Variants in EXOSC5 observed in about 807,000 individuals in gnomAD.
EXOSC5 encodes the protein exosome complex component RRP46.
Under a neutral mutation model 23.7 loss-of-function variants are expected in EXOSC5, and 15 were observed. The ratio of observed to expected loss-of-function variants is 0.63; its 90% CI spans 0.42 to 0.97. EXOSC5 has a LOEUF of 0.97. Among genes scored for constraint, EXOSC5 ranks in the 50% least tolerant of loss-of-function variants. The pLI, the probability that EXOSC5 is intolerant of heterozygous loss-of-function variation, is 0.00. For synonymous variants in EXOSC5, 143 were observed against 140.9 expected (o/e 1.02, Z -0.11); for missense variants, 305 against 316.3 (o/e 0.96, Z 0.27).
At chr19:41,392,167 G>C (rs1278121685) in intron 2 of EXOSC5, 3 of 662,508 alleles carry the variant, frequency 4.5e-6, no homozygotes, top group African/African-American at 1.9e-5. Context: ...CATCCACCAA[G>C]GGAACCATCC....
chr19:41,386,851 G>T lies in EXOSC5; in HGVS notation c.616-126C>A, dbSNP rs180811354. On this transcript the variant is annotated intron_variant, in intron 5 of 5. Coordinates refer to ENST00000221233, the MANE Select transcript of EXOSC5 (RefSeq NM_020158.4). ...CCTCCCATCACTCCCCTGCCCCCAAGTGAGGCAAGTGGTAAGGGATTATTT... is the reference window on the plus strand; with the variant it reads ...CCTCCCATCACTCCCCTGCCCCCAATTGAGGCAAGTGGTAAGGGATTATTT... 8 of 691,854 alleles carry T rather than the reference G, an allele frequency of 1.2e-5. No individual in the cohort carries two copies. In the Admixed American group the frequency reaches 1.3e-4, roughly 11 times the overall value. The allele number at this position is 691,854 out of a possible 1,614,324, so 42.9% of individuals were successfully genotyped here.
chr19:41,390,596 T>G (rs74865488), intron 3 of EXOSC5, among the ~76,000 whole-genome samples: 3 of 152,148 alleles, frequency 2.0e-5, no homozygotes, highest in African/African-American at 7.2e-5. Context: ...GGCCCGAAAC[T>G]TGGGTAGCAG....
At chr19:41,389,368 C>T (rs933283931) in intron 4 of EXOSC5, among the ~76,000 whole-genome samples, 25 of 150,078 alleles carry the variant, frequency 1.7e-4, no homozygotes, top group African/African-American at 5.2e-4. Context: ...TGGGTTCAAG[C>T]GATTCTCCTG....
rs79893035 is a variant in EXOSC5, at chr19:41,390,438, A to C, written c.385-533T>G. Among the ~76,000 whole-genome samples the C allele has an allele frequency of 6.3e-3, 962 of 152,304 alleles. 11 individuals are homozygous for C. Among genetic ancestry groups the C allele is most frequent in the African/African-American group, 0.021 (889 of 41,568 alleles). Reference sequence around the variant, plus strand: ...CCTTGAACAAGTGACTTACTCCTTGAGTCTCAATCTCCTCATCTGTTAGAT... The same window carrying C: ...CCTTGAACAAGTGACTTACTCCTTGCGTCTCAATCTCCTCATCTGTTAGAT... On this transcript the variant is annotated intron_variant, in intron 3 of 5. Coordinates refer to ENST00000221233, the MANE Select transcript of EXOSC5 (RefSeq NM_020158.4).
chr19:41,386,924 G>A (rs2123218193), intron 5 of EXOSC5, among the ~76,000 whole-genome samples, 199 bp from the exon 6 acceptor site: 1 of 152,282 alleles, frequency 6.6e-6, no homozygotes, highest in Middle Eastern at 3.4e-3. Context: ...TAAAAAGAGG[G>A]AGAAGGACTT....
chr19:41,396,406 C>T (rs11083618), intron 1 of EXOSC5, among the ~76,000 whole-genome samples: 83,812 of 151,902 alleles, frequency 0.55, 23,499 homozygotes, highest in Middle Eastern at 0.6. Flanking sequence ...GACAGGGTTT[C>T]GCCATGTTGG....
intron 1 of EXOSC5, among the ~76,000 whole-genome samples, chr19:41,394,459 A>T (rs948758696): frequency 3.3e-5 from 5 of 151,220 alleles, no homozygotes; most frequent in Admixed American, 6.6e-5. Context: ...CCCAGGTGGG[A>T]GGACTGCTTG....
intron 2 of EXOSC5, among the ~76,000 whole-genome samples, chr19:41,392,419 T>TA (rs1024618514): frequency 4.6e-5 from 7 of 151,730 alleles, no homozygotes; most frequent in Middle Eastern, 3.4e-3. Flanking sequence ...CCATCTCTAC[T>TA]AAAAAAATAC....
At chr19:41,393,114 C>T in intron 1 of EXOSC5, 134 bp from the exon 2 acceptor site, 1 of 649,018 alleles carries the variant, frequency 1.5e-6, no homozygotes, top group South Asian at 1.7e-5. Flanking sequence ...TGAGCACTCA[C>T]TTCATTTCTC....
chr19:41,386,784 G>T, intron 5 of EXOSC5, 59 bp from the exon 6 acceptor site: 1 of 1,489,150 alleles, frequency 6.7e-7, no homozygotes, highest in Non-Finnish European at 9.0e-7. Context: ...ACACGACTTG[G>T]CTGACCCAGG....
intron 1 of EXOSC5, among the ~76,000 whole-genome samples, chr19:41,395,158 G>T (rs1169019224): frequency 6.6e-6 from 1 of 152,172 alleles, no homozygotes; most frequent in Non-Finnish European, 1.5e-5. Context: ...AGAAACTTTA[G>T]GTATCTCAAT....
At chr19:41,393,432 T>G (rs1170545752) in intron 1 of EXOSC5, among the ~76,000 whole-genome samples, 1 of 152,064 alleles carries the variant, frequency 6.6e-6, no homozygotes, top group Non-Finnish European at 1.5e-5. Flanking sequence ...GCCTGACTAA[T>G]TTTTATATTT....
Position 41,392,357 on chromosome 19 carries a change from G to A in EXOSC5, c.263-395C>T, listed in dbSNP as rs944765885. Among the ~76,000 whole-genome samples the A allele has an allele frequency of 4.6e-5, 7 of 152,122 alleles. No homozygotes were observed. In the South Asian group the frequency reaches 6.2e-4, roughly 13 times the overall value. On this transcript the variant is annotated intron_variant, in intron 2 of 5. Coordinates refer to ENST00000221233, the MANE Select transcript of EXOSC5 (RefSeq NM_020158.4). Reference sequence around the variant, plus strand: ...AACACTTTGGGGGGCTGAGGCGGGCGGATCACTTGAGGTCAGGAGATCAAG... The same window carrying A: ...AACACTTTGGGGGGCTGAGGCGGGCAGATCACTTGAGGTCAGGAGATCAAG...
intron 1 of EXOSC5, among the ~76,000 whole-genome samples, chr19:41,393,746 G>T (rs919220882): frequency 1.3e-5 from 2 of 151,858 alleles, no homozygotes; most frequent in Non-Finnish European, 2.9e-5. Flanking sequence ...TTTTAGTAGA[G>T]ACTGGGTTTC....
chr19:41,390,837 C>T (rs1305143095), intron 3 of EXOSC5, among the ~76,000 whole-genome samples: 2 of 152,202 alleles, frequency 1.3e-5, no homozygotes, highest in African/African-American at 2.4e-5. Context: ...CTTCACTTTC[C>T]ACTTCTGTAA....
chr19:41,389,617 G>T, intron 4 of EXOSC5, 148 bp downstream of exon 4: 3 of 1,229,688 alleles, frequency 2.4e-6, no homozygotes, highest in Non-Finnish European at 3.3e-6. Context: ...AGCACTTGCT[G>T]CTAAATGAAC....
rs200561763 is a variant in EXOSC5 at position 41,391,827 on chromosome 19, G to C, written c.384+14C>G. The C allele has an allele frequency of 2.1e-5, 31 of 1,496,630 alleles. No homozygotes were observed. The East Asian group carries it at 7.6e-4, about 37-fold the overall frequency. The allele number at this position is 1,496,630 out of a possible 1,614,324, so 92.7% of individuals were successfully genotyped here. A position where few individuals can be genotyped will look rare whatever the true frequency, so the allele number is the denominator to read the frequency against. On this transcript the variant is annotated intron_variant, in intron 3 of 5. Coordinates refer to ENST00000221233, the MANE Select transcript of EXOSC5 (RefSeq NM_020158.4). ...GGAGACTTCCTGGAGGAGGAGGCCT[G>C]GCAGAAAGGATACAGAGCCGGCATC...
In EXOSC5 at chr19:41,386,429, T is replaced by G; in HGVS notation, c.*204A>C. On this transcript the variant is annotated 3_prime_UTR_variant, in exon 6 of 6. Transcript: ENST00000221233. ...TTCCATAAATGTGAGCTCCTTTGAA[T>G]GTTATCCTTGCTGGGGGGATCTGTG... 1.8e-6 allele frequency: 1 copy of G among 544,484 alleles called. No individual in the cohort carries two copies. 33.7% of individuals were successfully genotyped at this position (544,484 alleles called of 1,614,324 possible).
intron 4 of EXOSC5, among the ~76,000 whole-genome samples, chr19:41,388,012 C>A (rs1192883497): frequency 6.6e-6 from 1 of 152,202 alleles, no homozygotes; most frequent in Non-Finnish European, 1.5e-5. Flanking sequence ...GACTCCGGAC[C>A]CTTGGCCTCC....
Sources: allele counts gnomAD v4.1 joint callset (sites outside exome capture counted in the v4.1 genomes callset), GRCh38; gene constraint gnomAD v4.1.1; transcripts MANE v1.5; gene names NCBI Gene and HGNC (gene_info 2026-07-23, HGNC 2026-07-21).